PARP15: variants seen among roughly 807,000 people sequenced by gnomAD.
The protein encoded by PARP15 is poly(ADP-ribose) polymerase family member 15, also known as protein mono-ADP-ribosyltransferase PARP15.
A neutral mutation model predicts 62.1 loss-of-function variants in PARP15; 50 were observed. That is an observed-to-expected ratio of 0.81 (90% CI 0.64 to 1.02). The LOEUF is 1.02. Among genes scored for constraint, PARP15 ranks in the 50% least tolerant of loss-of-function variants. The probability of loss-of-function intolerance (pLI) is 0.00; values close to 1 mark genes in which losing one functional copy is unlikely to be tolerated. For missense variants in PARP15, 820 were observed against 826.5 expected (o/e 0.99, Z 0.10); for synonymous variants, 309 against 293.1 (o/e 1.05, Z -0.55).
rs59971113 is a variant in PARP15, at chr3:122,577,816, C to G, written c.149C>G (p.Ala50Gly). Residue 50 changes from alanine (A) to glycine (G), a missense_variant, in exon 1 of 12, where the codon GCG becomes GGG. By Grantham distance (60) the Ala-to-Gly change is moderately conservative (BLOSUM62 0). This residue lies in a region of PARP15 where 731 missense variants were observed against 727.7 expected (regional missense o/e 1.00). Transcript: ENST00000464300. Reference protein sequence around the residue: ...GSVLPAGNRGARKASRRSSSR... With the variant: ...GSVLPAGNRGGRKASRRSSSR... ...GTGCTGCCGGCCGGGAACCGTGGGG[C>G]GCGGAAGGCCTCCCGGCGCTCTTCC... 6.4e-7 allele frequency: 1 copy of G among 1,550,422 alleles called. No individual in the cohort carries two copies. The highest frequency in any genetic ancestry group is 1.2e-5 in the South Asian group (1 of 83,942).
At chr3:122,626,104 A>G (rs1341370447) in intron 8 of PARP15, among the ~76,000 whole-genome samples, 1 of 152,108 alleles carries the variant, frequency 6.6e-6, no homozygotes. Context: ...CTTTTAGGAA[A>G]CAGACATAAT....
intron 5 of PARP15, among the ~76,000 whole-genome samples, chr3:122,616,274 G>A (rs1164757263): frequency 6.6e-6 from 1 of 151,726 alleles, no homozygotes; most frequent in Non-Finnish European, 1.5e-5. Context: ...GCCTCAGAGT[G>A]TGGAGTGGAG....
intron 2 of PARP15, among the ~76,000 whole-genome samples, chr3:122,606,411 A>G (rs1045297522): frequency 1.2e-4 from 18 of 152,206 alleles, no homozygotes; most frequent in African/African-American, 4.3e-4. Flanking sequence ...CACACTATAG[A>G]ATCACCCTTC....
chr3:122,635,511 T>C (rs1182157235), intron 11 of PARP15, among the ~76,000 whole-genome samples: 1 of 151,912 alleles, frequency 6.6e-6, no homozygotes, highest in African/African-American at 2.4e-5. Flanking sequence ...TGAGCTCAAA[T>C]GATGCCCCCA....
At chr3:122,608,922 AT>A (rs994582269) in intron 2 of PARP15, among the ~76,000 whole-genome samples, 6 of 150,760 alleles carry the variant, frequency 4.0e-5, no homozygotes, top group Non-Finnish European at 7.4e-5. Flanking sequence ...CCACTAGCTA[AT>A]TTTTTTTTAA....
intron 8 of PARP15, among the ~76,000 whole-genome samples, chr3:122,625,939 A>G (rs993634171): frequency 3.9e-5 from 6 of 152,296 alleles, no homozygotes; most frequent in Middle Eastern, 3.4e-3. Context: ...TGCACTGCCA[A>G]TGCCCATCAG....
chr3:122,619,792 G>A lies in PARP15; in HGVS notation c.1012G>A (p.Ala338Thr). The A allele has an allele frequency of 1.3e-5, 21 of 1,612,844 alleles. No individual in the cohort carries two copies. The highest frequency in any genetic ancestry group is 1.8e-5 in the Non-Finnish European group (21 of 1,178,824). ...TFNRKSGVSR[A>T]ILEGAGQAVE... is the part of the protein sequence containing the mutation. The stretch of plus-strand genomic sequence containing the variant: ...CATGTCTTATTTAGGTGTGTCAAGA[G>A]CTATTTTAGAAGGTGCTGGACAAGC... The change falls in exon 7 of 12, where the codon GCT becomes ACT. Residue 338 changes from alanine (A) to threonine (T), a missense_variant. By Grantham distance (58) the Ala-to-Thr change is moderately conservative. This residue lies in a region of PARP15 where 731 missense variants were observed against 727.7 expected (regional missense o/e 1.00). Transcript: ENST00000464300.
intron 11 of PARP15, among the ~76,000 whole-genome samples, chr3:122,635,561 A>T (rs115532761): frequency 6.6e-6 from 1 of 151,956 alleles, no homozygotes; most frequent in Non-Finnish European, 1.5e-5. Context: ...GGCATGCACC[A>T]CTATGCCTGG....
chr3:122,614,751 T>C (rs1338375835), intron 4 of PARP15, among the ~76,000 whole-genome samples: 1 of 152,114 alleles, frequency 6.6e-6, no homozygotes, highest in African/African-American at 2.4e-5. Context: ...AAACATGGAC[T>C]GGTGCAGTGG....
intron 4 of PARP15, 83 bp from the exon 5 acceptor site, chr3:122,615,696 A>G: frequency 6.2e-7 from 1 of 1,600,556 alleles, no homozygotes; most frequent in Non-Finnish European, 8.5e-7. Context: ...CAACTCTTTG[A>G]TATCTGATGA....
intron 1 of PARP15, among the ~76,000 whole-genome samples, chr3:122,599,591 T>G (rs2107504456): frequency 6.6e-6 from 1 of 152,292 alleles, no homozygotes; most frequent in African/African-American, 2.4e-5. Flanking sequence ...TTTATTTACT[T>G]ATTTGAGACA....
chr3:122,621,823 G>GA (rs1484387519), intron 8 of PARP15, among the ~76,000 whole-genome samples: 2 of 152,140 alleles, frequency 1.3e-5, no homozygotes, highest in African/African-American at 4.8e-5. Flanking sequence ...TTTCAAGACA[G>GA]AGTCTCACTC....
chr3:122,577,980 C>G (rs1215481940), intron 1 of PARP15, 127 bp downstream of exon 1: 5 of 961,436 alleles, frequency 5.2e-6, no homozygotes, highest in Non-Finnish European at 5.8e-6. Flanking sequence ...TAGGGGGCGC[C>G]GACTACACTG....
intron 1 of PARP15, among the ~76,000 whole-genome samples, chr3:122,591,864 C>T (rs536069519): frequency 1.3e-5 from 2 of 151,844 alleles, no homozygotes; most frequent in East Asian, 3.9e-4. Flanking sequence ...AGGCGTCCCA[C>T]AATGGGTCTT....
At chr3:122,607,227 G>A (rs191429166) in intron 2 of PARP15, among the ~76,000 whole-genome samples, 118 of 152,344 alleles carry the variant, frequency 7.7e-4, no homozygotes, top group Non-Finnish European at 1.4e-3. Context: ...CGAGTATTAT[G>A]AGAGTGATTG....
In PARP15 at chr3:122,636,165, T is replaced by C. The variant is rs1937363335; in HGVS notation, c.*65T>C. 5 of 1,492,306 alleles carry C rather than the reference T, an allele frequency of 3.4e-6. No homozygotes were observed. In the Admixed American group the frequency reaches 7.5e-5, roughly 22 times the overall value. 92.4% of individuals were successfully genotyped at this position (1,492,306 alleles called of 1,614,324 possible). The stretch of plus-strand genomic sequence containing the variant: ...TAAGAACAACATGCAATCTTTGTCT[T>C]TGCTTCTGGCCTGTGTAAGCAGATG... On this transcript the variant is annotated 3_prime_UTR_variant, in exon 12 of 12. Transcript: ENST00000464300.
chr3:122,633,740 G>A (rs919517493), intron 10 of PARP15, among the ~76,000 whole-genome samples: 30 of 152,228 alleles, frequency 2.0e-4, no homozygotes, highest in African/African-American at 6.7e-4. Flanking sequence ...TGATATCTGC[G>A]AGGTCCTGGA....
At chr3:122,615,516 T>G in intron 4 of PARP15, 1 of 1,140,734 alleles carries the variant, frequency 8.8e-7, no homozygotes, top group Non-Finnish European at 1.2e-6. Context: ...TGTGACTTCC[T>G]GCAGAGCCAC....
Position 122,583,114 on chromosome 3 carries a change from C to CTTTTTTTTT in PARP15, c.186+5276_186+5284dup, listed in dbSNP as rs67942585. Among the ~76,000 whole-genome samples, 289 of 83,448 alleles carry CTTTTTTTTT rather than the reference C, an allele frequency of 3.5e-3. 3 individuals are homozygous for CTTTTTTTTT. Among genetic ancestry groups the CTTTTTTTTT allele is most frequent in the Non-Finnish European group, 4.5e-3 (209 of 46,006 alleles). 54.7% of individuals were successfully genotyped at this position (83,448 alleles called of 152,430 possible). A position where few individuals can be genotyped will look rare whatever the true frequency, so the allele number is the denominator to read the frequency against. ...TGTTTACTAATTCTATCATCTGTAT[C>CTTTTTTTTT]TTTTTTTTTTTTTTTTTTTTTTTGA... On this transcript the variant is annotated intron_variant, in intron 1 of 11. Transcript: ENST00000464300.
Sources: allele counts gnomAD v4.1 joint callset (sites outside exome capture counted in the v4.1 genomes callset), GRCh38; gene constraint gnomAD v4.1.1; regional missense constraint gnomAD v4.1.1; transcripts MANE v1.5; gene names NCBI Gene and HGNC (gene_info 2026-07-23, HGNC 2026-07-21).